CLMN: variants seen among roughly 807,000 people sequenced by gnomAD.
The protein encoded by CLMN is calmin.
CLMN carries 57 observed loss-of-function variants against 92.7 expected under a neutral mutation model. That is an observed-to-expected ratio of 0.61 (90% confidence interval 0.50 to 0.77). CLMN has a LOEUF of 0.77. Among genes scored for constraint, CLMN ranks in the 30% least tolerant of loss-of-function variants. The pLI, the probability that CLMN is intolerant of heterozygous loss-of-function variation, is 0.00. For missense variants in CLMN, 1,158 were observed against 1,237.5 expected, an observed-to-expected ratio of 0.94 and a Z score of 0.96; for synonymous variants, 466 against 470.6, an observed-to-expected ratio of 0.99 and a Z score of 0.13.
Position 95,290,432 on chromosome 14 carries a change from T to C in CLMN, c.82+29279A>G, listed in dbSNP as rs972758718. Among the ~76,000 whole-genome samples, 8 of 152,188 alleles carry C rather than the reference T, an allele frequency of 5.3e-5. No individual in the cohort carries two copies. The South Asian group carries it at 1.4e-3, about 28-fold the overall frequency. ...CCTTAAATGTAATCACAAGGGTCTTTATAAGAGGAAGACAGAGGGAGATGT... is the reference window on the plus strand; with the variant it reads ...CCTTAAATGTAATCACAAGGGTCTTCATAAGAGGAAGACAGAGGGAGATGT... On this transcript the variant is annotated intron_variant, in intron 1 of 12. Coordinates refer to ENST00000298912, the MANE Select transcript of CLMN (RefSeq NM_024734.4).
rs762988296 is a variant in CLMN, at chr14:95,319,829, G to C, written c.-37C>G. On this transcript the variant is annotated 5_prime_UTR_variant, in exon 1 of 13. Transcript: ENST00000298912. The stretch of plus-strand genomic sequence containing the variant: ...GGGAGAGCCCGGGCCAGCGCGGCGC[G>C]GGCGGCGGGCGCGGAGAGCCTGGCT... 4 of 1,280,346 alleles carry C rather than the reference G, an allele frequency of 3.1e-6. No individual in the cohort carries two copies. Among genetic ancestry groups the C allele is most frequent in the Non-Finnish European group, 4.0e-6 (4 of 1,006,872 alleles). 79.3% of individuals were successfully genotyped at this position (1,280,346 alleles called of 1,614,324 possible).
intron 1 of CLMN, among the ~76,000 whole-genome samples, chr14:95,273,293 C>A (rs1325906379): frequency 1.3e-5 from 2 of 152,186 alleles, no homozygotes; most frequent in Non-Finnish European, 2.9e-5. Flanking sequence ...GAGATTCCTG[C>A]TCCACAGAGG....
Position 95,187,552 on chromosome 14 carries a change from G to C in CLMN, c.*4012C>G, listed in dbSNP as rs1187381049. The C allele has an allele frequency of 6.6e-6, 1 of 152,198 alleles. No individual in the cohort carries two copies. Among genetic ancestry groups the C allele is most frequent in the Admixed American group, 6.5e-5 (1 of 15,272 alleles). 9.4% of individuals were successfully genotyped at this position (152,198 alleles called of 1,614,324 possible). A position where few individuals can be genotyped will look rare whatever the true frequency, so the allele number is the denominator to read the frequency against. On this transcript the variant is annotated 3_prime_UTR_variant, in exon 13 of 13. Transcript: ENST00000298912. ...GACCAGGGCATTTATTGGCTCTGAG[G>C]TCCCCTGTCCTTCCCATGCAGCCAG...
chr14:95,236,981 G>A (rs1454912840), intron 1 of CLMN, among the ~76,000 whole-genome samples: 2 of 152,158 alleles, frequency 1.3e-5, no homozygotes, highest in African/African-American at 2.4e-5. Context: ...CAGCTATGAC[G>A]AGGCCTCTAT....
At chr14:95,196,786 C>T in intron 9 of CLMN, 92 bp from the exon 10 acceptor site, 1 of 1,217,578 alleles carries the variant, frequency 8.2e-7, no homozygotes. Context: ...CCAGGCCCAG[C>T]CAGGGCGTCC....
rs1461873552 is a variant in CLMN at position 95,294,973 on chromosome 14, C to T, written c.82+24738G>A. Among the ~76,000 whole-genome samples the T allele has an allele frequency of 3.3e-5, 5 of 152,260 alleles. No homozygotes were observed. The highest frequency in any genetic ancestry group is 7.3e-5 in the Non-Finnish European group (5 of 68,050). ...TGTGGGGCTCCTATAATTCAGCCCC[C>T]TCTTCTTGCCCATCAGGCCTGGCAA... On this transcript the variant is annotated intron_variant, in intron 1 of 12. Coordinates refer to ENST00000298912, the MANE Select transcript of CLMN (RefSeq NM_024734.4). The surrounding 1 kb of genome is among the most constrained non-coding windows in gnomAD (Gnocchi z 4.2).
At chr14:95,242,009 A>C (rs78634893) in intron 1 of CLMN, among the ~76,000 whole-genome samples, 20,568 of 152,010 alleles carry the variant, frequency 0.14, 2,391 homozygotes, top group African/African-American at 0.31. Context: ...CCAGACTGTG[A>C]CATTGAGGTC....
chr14:95,269,042 T>C (rs940772039), intron 1 of CLMN, among the ~76,000 whole-genome samples: 4 of 152,098 alleles, frequency 2.6e-5, no homozygotes, highest in Non-Finnish European at 4.4e-5. Context: ...GATCTCGTGA[T>C]CCGCCGCCTC....
In CLMN at chr14:95,319,695, G is replaced by T; in HGVS notation, c.82+16C>A. On this transcript the variant is annotated intron_variant, in intron 1 of 12. Transcript: ENST00000298912. ...CGAGCGCCCAGCCATCCCGGGGCGA[G>T]CCTGGGCTGCGTTACCTTGCAGGTT... The T allele has an allele frequency of 6.3e-7, 1 of 1,590,434 alleles. No individual in the cohort carries two copies.
chr14:95,285,124 GTTTC>G, intron 1 of CLMN, among the ~76,000 whole-genome samples: 1 of 152,252 alleles, frequency 6.6e-6, no homozygotes. Flanking sequence ...TTACACTTTT[GTTTC>G]TTTCTCATTT....
At chr14:95,208,415 C>CA (rs1897104786) in intron 8 of CLMN, among the ~76,000 whole-genome samples, 1 of 151,796 alleles carries the variant, frequency 6.6e-6, no homozygotes, top group Non-Finnish European at 1.5e-5. Flanking sequence ...ATTCTGTGCC[C>CA]AAAAAAACTC....
chr14:95,209,375 G>T lies in CLMN; in HGVS notation c.885+20C>A. On this transcript the variant is annotated intron_variant, in intron 8 of 12. Transcript: ENST00000298912. ...GGAAATGTATGGTGTCGGAATTAAAGGTAAGAAAAGCAAACATACGGCTTC... is the reference window on the plus strand; with the variant it reads ...GGAAATGTATGGTGTCGGAATTAAATGTAAGAAAAGCAAACATACGGCTTC... 6.2e-7 allele frequency: 1 copy of T among 1,611,214 alleles called. No individual in the cohort carries two copies. The highest frequency in any genetic ancestry group is 8.5e-7 in the Non-Finnish European group (1 of 1,177,428).
rs1167529180 is a variant in CLMN at position 95,194,212 on chromosome 14, G to GAT, written c.2770-294_2770-293insAT. 1 of 1,395,924 alleles carries GAT rather than the reference G, an allele frequency of 7.2e-7. No individual in the cohort carries two copies. The highest frequency in any genetic ancestry group is 1.4e-5 in the African/African-American group (1 of 68,982). 86.5% of individuals were successfully genotyped at this position (1,395,924 alleles called of 1,614,324 possible). A position where few individuals can be genotyped will look rare whatever the true frequency, so the allele number is the denominator to read the frequency against. ...ACTGAGCACGTGCCACTGTCCATCG[G>GAT]ACCTTGACTCATGTTGCACCTCTGT... is the stretch of plus-strand genomic sequence containing the variant. On this transcript the variant is annotated intron_variant, in intron 11 of 12. Coordinates refer to ENST00000298912, the MANE Select transcript of CLMN (RefSeq NM_024734.4). This position sits in a 1 kb window ranked among gnomAD's most constrained non-coding sequence, Gnocchi z 4.0.
intron 1 of CLMN, among the ~76,000 whole-genome samples, chr14:95,308,549 C>T (rs1901384326): frequency 6.6e-6 from 1 of 152,172 alleles, no homozygotes; most frequent in Non-Finnish European, 1.5e-5. Context: ...CTCACTCAGC[C>T]TTAGTTCTCA....
At chr14:95,319,516 G>A (rs1013352383) in intron 1 of CLMN, among the ~76,000 whole-genome samples, 195 bp downstream of exon 1, 9 of 152,144 alleles carry the variant, frequency 5.9e-5, no homozygotes, top group African/African-American at 2.2e-4. Context: ...CTGGGCAACT[G>A]TAAACCTGGC....
Position 95,203,102 on chromosome 14 carries a change from A to C in CLMN, c.2247T>G (p.Asp749Glu). 1 of 1,613,496 alleles carries C rather than the reference A, an allele frequency of 6.2e-7. No individual in the cohort carries two copies. Among genetic ancestry groups the C allele is most frequent in the South Asian group, 1.1e-5 (1 of 91,070 alleles). ...VLEAYVEDPEDLKNEEMDLEE... is the reference protein window; with the variant it reads ...VLEAYVEDPEELKNEEMDLEE... ...CGAGATCCATTTCTTCATTTTTTAGATCCTCCGGGTCTTCTACATAAGCCT... is the reference window on the plus strand; with the variant it reads ...CGAGATCCATTTCTTCATTTTTTAGCTCCTCCGGGTCTTCTACATAAGCCT... Residue 749 changes from aspartate to glutamate, a missense_variant, in exon 9 of 13, where the codon GAT becomes GAG. Physicochemically the swap from Asp to Glu is conservative, Grantham distance 45. Coordinates refer to ENST00000298912, the MANE Select transcript of CLMN (RefSeq NM_024734.4).
chr14:95,277,578 C>A (rs538834902), intron 1 of CLMN, among the ~76,000 whole-genome samples: 5 of 152,324 alleles, frequency 3.3e-5, no homozygotes, highest in African/African-American at 9.6e-5. Context: ...ATGGAGACTG[C>A]CCAATGCTGT....
chr14:95,299,850 C>G (rs1337656659), intron 1 of CLMN, among the ~76,000 whole-genome samples: 1 of 152,186 alleles, frequency 6.6e-6, no homozygotes, highest in African/African-American at 2.4e-5. Context: ...AGAACTAGCT[C>G]AATAGTTCTT....
intron 2 of CLMN, among the ~76,000 whole-genome samples, chr14:95,224,852 A>G (rs577257229): frequency 6.6e-6 from 1 of 152,058 alleles, no homozygotes; most frequent in Non-Finnish European, 1.5e-5. Context: ...TTGCTTCACC[A>G]ATATTTAGAC....
Sources: allele counts gnomAD v4.1 joint callset (sites outside exome capture counted in the v4.1 genomes callset), GRCh38; gene constraint gnomAD v4.1.1; non-coding constraint Gnocchi (gnomAD v3.1); transcripts MANE v1.5; gene names NCBI Gene and HGNC (gene_info 2026-07-23, HGNC 2026-07-21).